Variants in PDE10A observed in about 807,000 individuals in gnomAD.
The protein encoded by PDE10A is cAMP and cAMP-inhibited cGMP 3',5'-cyclic phosphodiesterase 10A.
Under a neutral mutation model 97.7 loss-of-function variants are expected in PDE10A, and 39 were observed. The observed-to-expected ratio is 0.40, with a 90% CI of 0.31 to 0.52. The LOEUF (loss-of-function observed/expected upper bound fraction) is 0.52, where lower values mean the gene tolerates loss of function less well. Among genes scored for constraint, PDE10A ranks in the 20% least tolerant of loss-of-function variants. The pLI is 0.56. For synonymous variants in PDE10A, 371 were observed against 376.8 expected, an observed-to-expected ratio of 0.98 and a Z score of 0.18; for missense variants, 731 against 1,047.8, an observed-to-expected ratio of 0.70 and a Z score of 4.17.
At chr6:165,384,852 G>A (rs1185868550) in intron 17 of PDE10A, among the ~76,000 whole-genome samples, 2 of 152,062 alleles carry the variant, frequency 1.3e-5, no homozygotes, top group East Asian at 3.9e-4. Flanking sequence ...AGCCACATAT[G>A]CAACACACAC....
intron 1 of PDE10A, among the ~76,000 whole-genome samples, chr6:165,806,460 C>T (rs1339148481): frequency 6.6e-6 from 1 of 152,242 alleles, no homozygotes; most frequent in Non-Finnish European, 1.5e-5. Flanking sequence ...GCTCCCCATC[C>T]TCAACTATTT....
At chr6:165,510,118 T>C (rs571028406) in intron 2 of PDE10A, among the ~76,000 whole-genome samples, 5 of 152,198 alleles carry the variant, frequency 3.3e-5, no homozygotes, top group South Asian at 4.1e-4. Context: ...GTATGTTGAA[T>C]AGGAGTGCTG....
At chr6:165,381,696 T>C (rs1784943863) in intron 17 of PDE10A, among the ~76,000 whole-genome samples, 1 of 149,616 alleles carries the variant, frequency 6.7e-6, no homozygotes, top group Non-Finnish European at 1.5e-5. Flanking sequence ...TTGGCCAGGA[T>C]GCTCTTCATC....
intron 11 of PDE10A, among the ~76,000 whole-genome samples, chr6:165,417,148 C>G (rs1788374100): frequency 6.6e-6 from 1 of 152,132 alleles, no homozygotes; most frequent in South Asian, 2.1e-4. Context: ...CAGAAAAACT[C>G]AAAAGATAGT....
chr6:165,886,124 A>C (rs1019954548), intron 1 of PDE10A, among the ~76,000 whole-genome samples: 4 of 152,232 alleles, frequency 2.6e-5, no homozygotes, highest in African/African-American at 4.8e-5. Context: ...ATGTTAGGTA[A>C]GTTTTTCAGA....
chr6:165,341,819 C>T (rs1181105893), intron 19 of PDE10A, among the ~76,000 whole-genome samples: 5 of 152,138 alleles, frequency 3.3e-5, no homozygotes, highest in South Asian at 2.1e-4. Flanking sequence ...GCAAGAACCA[C>T]GAGAGATCAC....
chr6:165,648,374 A>C (rs1333669208), intron 1 of PDE10A, among the ~76,000 whole-genome samples: 1 of 152,142 alleles, frequency 6.6e-6, no homozygotes, highest in Non-Finnish European at 1.5e-5. Flanking sequence ...GTCATAAAGC[A>C]CAAGAAAATT....
At chr6:165,894,020 A>T (rs1470372473) in intron 1 of PDE10A, among the ~76,000 whole-genome samples, 1 of 152,130 alleles carries the variant, frequency 6.6e-6, no homozygotes. Flanking sequence ...GGCCCTGGGC[A>T]CCTTGTCTCC....
At chr6:165,737,802 G>A (rs542609061) in intron 1 of PDE10A, among the ~76,000 whole-genome samples, 5 of 152,124 alleles carry the variant, frequency 3.3e-5, no homozygotes, top group Non-Finnish European at 7.4e-5. Context: ...GTCCTAGCCA[G>A]AGCAATTAGG....
intron 1 of PDE10A, among the ~76,000 whole-genome samples, chr6:165,958,710 A>AAGAG (rs771523459): frequency 2.3e-5 from 3 of 128,126 alleles, no homozygotes; most frequent in East Asian, 2.2e-4. Flanking sequence ...GAAAGAAAGA[A>AAGAG]AGAGAGAAGA....
At chr6:165,517,706 T>C (rs1781894300) in intron 2 of PDE10A, among the ~76,000 whole-genome samples, 1 of 152,094 alleles carries the variant, frequency 6.6e-6, no homozygotes, top group Admixed American at 6.6e-5. Context: ...ACAGAAGTCA[T>C]TGCCAAGGAC....
In PDE10A at chr6:165,458,772, C is replaced by A. The variant is rs149742388; in HGVS notation, c.1024-8410G>T. Among the ~76,000 whole-genome samples the A allele has an allele frequency of 2.7e-3, 404 of 152,194 alleles. 2 individuals carry two copies. Among genetic ancestry groups the A allele is most frequent in the African/African-American group, 9.1e-3 (376 of 41,520 alleles). The stretch of plus-strand genomic sequence containing the variant: ...CTTTATTCCTAGACACTTCAGTGTG[C>A]ATTTCCCAAGTAAAAGAACATTCCC... On this transcript the variant is annotated intron_variant, in intron 3 of 21. Coordinates refer to ENST00000539869, the MANE Select transcript of PDE10A (RefSeq NM_001385079.1).
intron 13 of PDE10A, among the ~76,000 whole-genome samples, chr6:165,405,769 A>G (rs994570557): frequency 2.6e-5 from 4 of 152,196 alleles, no homozygotes; most frequent in African/African-American, 9.6e-5. Context: ...AAAAGTAGGG[A>G]AAGAATGATT....
chr6:165,479,895 G>A (rs1212843631), intron 3 of PDE10A, among the ~76,000 whole-genome samples: 2 of 152,220 alleles, frequency 1.3e-5, no homozygotes, highest in South Asian at 4.2e-4. Flanking sequence ...AATAATGATA[G>A]TTTACTCAAA....
intron 1 of PDE10A, among the ~76,000 whole-genome samples, chr6:165,825,295 C>T (rs188177918): frequency 3.7e-4 from 57 of 152,178 alleles, no homozygotes; most frequent in Non-Finnish European, 5.4e-4. Context: ...ATGAGGAAGC[C>T]GAGGCCTGTG....
intron 1 of PDE10A, among the ~76,000 whole-genome samples, chr6:165,722,309 G>A (rs1297500066): frequency 6.6e-6 from 1 of 152,184 alleles, no homozygotes; most frequent in Non-Finnish European, 1.5e-5. Context: ...TATAATGACA[G>A]CCCAAGTTTT....
intron 1 of PDE10A, among the ~76,000 whole-genome samples, chr6:165,962,588 G>A (rs764300486): frequency 6.6e-6 from 1 of 152,188 alleles, no homozygotes; most frequent in Non-Finnish European, 1.5e-5. Context: ...CTCTGACCAC[G>A]TGCTGTGGAA....
intron 1 of PDE10A, among the ~76,000 whole-genome samples, chr6:165,923,420 C>T (rs537216146): frequency 7.7e-4 from 117 of 152,306 alleles, no homozygotes; most frequent in African/African-American, 2.7e-3. Flanking sequence ...TAGAGAGATA[C>T]GTGTACCATT....
chr6:165,641,796 G>A (rs1053019864), intron 1 of PDE10A, among the ~76,000 whole-genome samples: 3 of 152,200 alleles, frequency 2.0e-5, no homozygotes, highest in Admixed American at 2.0e-4. Context: ...GGACTGTTAT[G>A]AGAACCAAGG....
Sources: gnomAD v4.1 joint callset for allele counts (sites outside exome capture counted in the v4.1 genomes callset) on GRCh38, gnomAD v4.1.1 for gene constraint, MANE v1.5 for transcripts, NCBI Gene and HGNC (gene_info 2026-07-23, HGNC 2026-07-21) for gene names.